The following CASD1 variants were observed in gnomAD, a reference collection of about 807,000 sequenced individuals.
The protein encoded by CASD1 is CAS1 domain sialic acid O acetyltransferase 1.
CASD1 carries 41 observed loss-of-function variants against 100.0 expected under a neutral mutation model. The observed-to-expected ratio is 0.41, with a 90% CI of 0.32 to 0.53. CASD1 has a LOEUF of 0.53. Ranked by LOEUF, CASD1 falls within the 20% of genes least tolerant of loss-of-function variation. The probability of loss-of-function intolerance (pLI) is 0.25; values close to 1 mark genes in which losing one functional copy is unlikely to be tolerated. For synonymous variants in CASD1, 321 were observed against 315.6 expected (o/e 1.02, Z -0.18); for missense variants, 774 against 948.7 (o/e 0.82, Z 2.42).
intron 10 of CASD1, among the ~76,000 whole-genome samples, chr7:94,540,936 C>T (rs916050719): frequency 3.9e-5 from 6 of 152,030 alleles, no homozygotes; most frequent in East Asian, 3.9e-4. Context: ...TTCAGTGACT[C>T]CAGAAAGGAT....
intron 1 of CASD1, 65 bp downstream of exon 1, chr7:94,510,282 C>T (rs2116140824): frequency 8.1e-7 from 1 of 1,232,542 alleles, no homozygotes; most frequent in East Asian, 3.2e-5. Flanking sequence ...CGGCTGGAGG[C>T]CGCCCCCATC....
At chr7:94,542,460 G>T (rs917741801) in intron 10 of CASD1, among the ~76,000 whole-genome samples, 1 of 152,064 alleles carries the variant, frequency 6.6e-6, no homozygotes, top group African/African-American at 2.4e-5. Context: ...GAAATATTTT[G>T]AACATATTGA....
chr7:94,586,048 C>A, the CASD1 span, among the ~76,000 whole-genome samples: 1 of 3,728 alleles, frequency 2.7e-4, no homozygotes, highest in Non-Finnish European at 5.3e-4. Flanking sequence ...TAAAAGAAAA[C>A]AAGGAACTAA....
chr7:94,544,469 G>C lies in CASD1; in HGVS notation c.1415G>C (p.Gly472Ala). ...GTTGCTGCATATTTATTTCAGACAG[G>C]GTATGGGCATTTCTCATACTTTTGG... ...VLVAAYLFQT[G>A]YGHFSYFWIK... Residue 472 changes from glycine (G) to alanine (A), a missense_variant, in exon 11 of 18, where the codon GGG (glycine) becomes GCG (alanine). This residue lies in a region of CASD1 where 453 missense variants were observed against 532.6 expected (regional missense o/e 0.85). Transcript: ENST00000297273. 6.2e-7 allele frequency: 1 copy of C among 1,613,040 alleles called. No homozygotes were observed. Among genetic ancestry groups the C allele is most frequent in the Non-Finnish European group, 8.5e-7 (1 of 1,179,376 alleles).
chr7:94,547,189 T>C lies in CASD1; in HGVS notation c.1713+14T>C. The C allele has an allele frequency of 6.6e-7, 1 of 1,510,278 alleles. No individual in the cohort carries two copies. Among genetic ancestry groups the C allele is most frequent in the Non-Finnish European group, 8.9e-7 (1 of 1,118,108 alleles). The allele number at this position is 1,510,278 out of a possible 1,614,324, so 93.6% of individuals were successfully genotyped here. On this transcript the variant is annotated intron_variant, in intron 13 of 17. Transcript: ENST00000297273. ...GCATATTCTCAGGTTTGTACAATCTTTTCAGTTTATATTTTTTCATATTTT... is the reference window on the plus strand; with the variant it reads ...GCATATTCTCAGGTTTGTACAATCTCTTCAGTTTATATTTTTTCATATTTT...
chr7:94,533,636 G>T, intron 6 of CASD1, 43 bp from the exon 7 acceptor site: 1 of 1,462,624 alleles, frequency 6.8e-7, no homozygotes, highest in South Asian at 1.3e-5. Context: ...TTAATTGTTT[G>T]TGATAAATAC....
chr7:94,581,660 A>T, the CASD1 span, among the ~76,000 whole-genome samples: 3 of 152,174 alleles, frequency 2.0e-5, no homozygotes, highest in African/African-American at 7.2e-5. Context: ...TTTGCTAAGG[A>T]TAATGGCCTC....
In CASD1 at chr7:94,545,715, C is replaced by G. The variant is rs1451979256; in HGVS notation, c.1633+14C>G. Reference sequence around the variant, plus strand: ...AAAAAGCAAACGGTAAATATACTTTCTTACTAATGTTAGTAAATATATTTT... The same window carrying G: ...AAAAAGCAAACGGTAAATATACTTTGTTACTAATGTTAGTAAATATATTTT... On this transcript the variant is annotated intron_variant, in intron 12 of 17. Transcript: ENST00000297273. 6.6e-7 allele frequency: 1 copy of G among 1,521,890 alleles called. No individual in the cohort carries two copies. The highest frequency in any genetic ancestry group is 8.9e-7 in the Non-Finnish European group (1 of 1,117,912). The allele number at this position is 1,521,890 out of a possible 1,614,324, so 94.3% of individuals were successfully genotyped here.
rs774863177 is a variant in CASD1, at chr7:94,527,197, A to G, written c.387A>G (p.Ser129=). ...TTCCTTTTGAAGACAAGACTGCATC[A>G]GTTAAAGTGGTAAGTTCATGTAATA... is the stretch of plus-strand genomic sequence containing the variant. ...ENIPFEDKTA[S]VKVDFLWHPE... Residue 129 remains serine, a synonymous_variant, in exon 4 of 18, where the codon TCA becomes TCG. Coordinates refer to ENST00000297273, the MANE Select transcript of CASD1 (RefSeq NM_022900.5). The G allele has an allele frequency of 1.9e-6, 3 of 1,609,148 alleles. No homozygotes were observed. The highest frequency in any genetic ancestry group is 2.6e-6 in the Non-Finnish European group (3 of 1,176,062).
the CASD1 span, chr7:94,626,323 G>A: frequency 1.3e-5 from 2 of 151,992 alleles, no homozygotes; most frequent in Non-Finnish European, 2.9e-5. Flanking sequence ...AAATATTTAG[G>A]TCTTACTTAA....
the CASD1 span, among the ~76,000 whole-genome samples, chr7:94,591,622 G>GC: frequency 0.34 from 51,467 of 151,978 alleles, 9,569 homozygotes; most frequent in Non-Finnish European, 0.41. Flanking sequence ...GTAGTTGGAT[G>GC]CCCCCCACTT....
At chr7:94,571,840 G>T in the CASD1 span, among the ~76,000 whole-genome samples, 2 of 150,936 alleles carry the variant, frequency 1.3e-5, no homozygotes, top group African/African-American at 4.9e-5. Flanking sequence ...ATGGTCAAGT[G>T]TATGACTGTA....
At chr7:94,576,872 C>A in the CASD1 span, among the ~76,000 whole-genome samples, 1 of 152,132 alleles carries the variant, frequency 6.6e-6, no homozygotes, top group African/African-American at 2.4e-5. Context: ...TGTCTGAGTT[C>A]TGTGAGTCTT....
chr7:94,509,951 C>T lies in CASD1; in HGVS notation c.-134C>T. On this transcript the variant is annotated 5_prime_UTR_variant, in exon 1 of 18. Transcript: ENST00000297273. Reference sequence around the variant, plus strand: ...GCGGCCGCGGGGTCAGGTTCCCCGGCGGGAGGCGCAGGTGGCGGCCTGGGG... The same window carrying T: ...GCGGCCGCGGGGTCAGGTTCCCCGGTGGGAGGCGCAGGTGGCGGCCTGGGG... The T allele has an allele frequency of 1.7e-6, 2 of 1,198,084 alleles. No individual in the cohort carries two copies. Among genetic ancestry groups the T allele is most frequent in the South Asian group, 4.2e-5 (1 of 23,616 alleles). 74.2% of individuals were successfully genotyped at this position (1,198,084 alleles called of 1,614,324 possible).
chr7:94,570,282 T>A, the CASD1 span, among the ~76,000 whole-genome samples: 3 of 152,156 alleles, frequency 2.0e-5, no homozygotes, highest in Non-Finnish European at 4.4e-5. Flanking sequence ...AGGTTTTGAT[T>A]CCCTTCTCAC....
At chr7:94,588,991 G>A in the CASD1 span, 1 of 481,612 alleles carries the variant, frequency 2.1e-6, no homozygotes, top group Non-Finnish European at 3.8e-6. Context: ...ACCCTAAGAG[G>A]TAGGTGTTAA....
At chr7:94,606,702 A>G in the CASD1 span, among the ~76,000 whole-genome samples, 171 of 152,310 alleles carry the variant, frequency 1.1e-3, no homozygotes, top group Non-Finnish European at 1.9e-3. Flanking sequence ...TGAAACATTT[A>G]GCAACATTCC....
downstream of CASD1, among the ~76,000 whole-genome samples, chr7:94,559,310 G>GTGTGTGTGTGTGTGTGTGTGTGTA (rs1796301367): frequency 8.0e-6 from 1 of 125,630 alleles, no homozygotes; most frequent in African/African-American, 2.7e-5. Context: ...GTGTGTATGT[G>GTGTGTGTGTGTGTGTGTGTGTGTA]TGTGTGTGTG....
the CASD1 span, among the ~76,000 whole-genome samples, chr7:94,615,778 CACT>C: frequency 6.6e-6 from 1 of 152,186 alleles, no homozygotes; most frequent in Non-Finnish European, 1.5e-5. Context: ...CCACCATTTA[CACT>C]ACATCACTCG....
Sources: gnomAD v4.1 joint callset for allele counts (sites outside exome capture counted in the v4.1 genomes callset) on GRCh38, gnomAD v4.1.1 for gene constraint, gnomAD v4.1.1 regional missense constraint, MANE v1.5 for transcripts, NCBI Gene and HGNC (gene_info 2026-07-23, HGNC 2026-07-21) for gene names.